Variants in CCSER1 observed in about 807,000 individuals in gnomAD.
CCSER1 encodes coiled-coil serine rich protein 1, also known as serine-rich coiled-coil domain-containing protein 1.
CCSER1 carries 41 observed loss-of-function variants against 82.0 expected under a neutral mutation model. The observed-to-expected ratio is 0.50, with a 90% CI of 0.39 to 0.65. CCSER1 has a LOEUF of 0.65. CCSER1 is among the 30% of genes least tolerant of loss of function. CCSER1 has a pLI of 0.00. For missense variants in CCSER1, 1,119 were observed against 1,064.2 expected, an observed-to-expected ratio of 1.05 and a Z score of -0.72; for synonymous variants, 414 against 383.9, an observed-to-expected ratio of 1.08 and a Z score of -0.92.
At chr4:90,772,937 A>G (rs1182939264) in intron 7 of CCSER1, among the ~76,000 whole-genome samples, 1 of 152,192 alleles carries the variant, frequency 6.6e-6, no homozygotes, top group Non-Finnish European at 1.5e-5. Context: ...AGTAAAGAGC[A>G]ATGTTTAAAA....
chr4:90,690,235 A>G (rs1197961440), intron 6 of CCSER1, among the ~76,000 whole-genome samples: 2 of 152,114 alleles, frequency 1.3e-5, no homozygotes, highest in African/African-American at 4.8e-5. Flanking sequence ...AATACTCAGA[A>G]AGGGGGTTGG....
intron 5 of CCSER1, among the ~76,000 whole-genome samples, chr4:90,619,732 G>C (rs1460894413): frequency 6.6e-6 from 1 of 152,044 alleles, no homozygotes; most frequent in East Asian, 1.9e-4. Context: ...ATATGTATGT[G>C]TGTGTAAACA....
intron 10 of CCSER1, among the ~76,000 whole-genome samples, chr4:91,411,737 A>C (rs1753064111): frequency 1.3e-5 from 1 of 75,960 alleles, no homozygotes. Context: ...CTGATATTGG[A>C]GCTAGTGGCA....
chr4:90,205,825 C>G (rs933244457), intron 1 of CCSER1, among the ~76,000 whole-genome samples: 3 of 152,068 alleles, frequency 2.0e-5, no homozygotes, highest in Non-Finnish European at 2.9e-5. Flanking sequence ...TCCATCTGGT[C>G]CTGGGCTTTT....
chr4:91,486,365 T>C (rs1758219801), intron 10 of CCSER1, among the ~76,000 whole-genome samples: 1 of 152,024 alleles, frequency 6.6e-6, no homozygotes, highest in Non-Finnish European at 1.5e-5. Flanking sequence ...AATAATGCCT[T>C]TGTGGCAGAT....
intron 10 of CCSER1, among the ~76,000 whole-genome samples, chr4:91,168,399 G>A (rs181110774): frequency 0.037 from 5,263 of 141,474 alleles, 341 homozygotes; most frequent in African/African-American, 0.13. Flanking sequence ...CCTCTGCCTG[G>A]CCGCCCCGTC....
intron 4 of CCSER1, among the ~76,000 whole-genome samples, chr4:90,404,875 C>G (rs904802754): frequency 1.3e-5 from 2 of 152,156 alleles, no homozygotes; most frequent in African/African-American, 4.8e-5. Context: ...GTCCATGAGT[C>G]TCAGATCTTC....
At chr4:91,313,709 A>T (rs1336100419) in intron 10 of CCSER1, among the ~76,000 whole-genome samples, 1 of 151,806 alleles carries the variant, frequency 6.6e-6, no homozygotes. Context: ...GTCCGAGTTC[A>T]CCATATGAGG....
chr4:91,427,781 G>A (rs892682751), intron 10 of CCSER1, among the ~76,000 whole-genome samples: 24 of 152,032 alleles, frequency 1.6e-4, no homozygotes, highest in African/African-American at 5.8e-4. Flanking sequence ...GTTTGTCATG[G>A]AGTTTATTAC....
chr4:90,319,165 G>T (rs527279822), intron 3 of CCSER1, among the ~76,000 whole-genome samples: 1 of 152,208 alleles, frequency 6.6e-6, no homozygotes, highest in Admixed American at 6.5e-5. Flanking sequence ...GTGCTGAGCA[G>T]GTTTGCTGAA....
intron 10 of CCSER1, among the ~76,000 whole-genome samples, chr4:91,432,904 T>A (rs994537357): frequency 6.6e-6 from 1 of 152,170 alleles, no homozygotes; most frequent in Non-Finnish European, 1.5e-5. Context: ...ACTCTGATAG[T>A]GTGAAAGTAA....
At chr4:90,342,559 A>AT (rs1227637205) in intron 3 of CCSER1, among the ~76,000 whole-genome samples, 1 of 152,056 alleles carries the variant, frequency 6.6e-6, no homozygotes, top group Non-Finnish European at 1.5e-5. Flanking sequence ...ATTCAGCATT[A>AT]TTTTTTTCAT....
At position 90,781,920 on chromosome 4, in the gene CCSER1, T is replaced by G. The variant is rs181305329; in HGVS notation, c.2011-33842T>G. On this transcript the variant is annotated intron_variant, in intron 7 of 10. Transcript: ENST00000509176. Reference sequence around the variant, plus strand: ...CCTTACAAAAAAAGATAAAATCGTATTGAAGAGACTGTTGAATATGAACGC... The same window carrying G: ...CCTTACAAAAAAAGATAAAATCGTAGTGAAGAGACTGTTGAATATGAACGC... 1.3e-3 allele frequency: 1,191 copies of G among 928,762 alleles called. 8 individuals are homozygous for G. In the African/African-American group the frequency reaches 0.02, roughly 16 times the overall value. The allele number at this position is 928,762 out of a possible 1,614,324, so 57.5% of individuals were successfully genotyped here.
chr4:91,093,414 G>A (rs992295982), intron 10 of CCSER1, among the ~76,000 whole-genome samples: 20 of 152,218 alleles, frequency 1.3e-4, no homozygotes, highest in African/African-American at 3.6e-4. Flanking sequence ...ATGGTTATGC[G>A]GGGGTTTTCA....
At chr4:90,994,269 A>G (rs13133635) in intron 9 of CCSER1, among the ~76,000 whole-genome samples, 45,002 of 152,018 alleles carry the variant, frequency 0.3, 7,540 homozygotes, top group African/African-American at 0.44. Flanking sequence ...ACCAAACATC[A>G]TAGCTTAATC....
intron 6 of CCSER1, among the ~76,000 whole-genome samples, chr4:90,694,377 C>T (rs1220705712): frequency 6.6e-6 from 1 of 151,878 alleles, no homozygotes; most frequent in African/African-American, 2.4e-5. Context: ...TTTAATGAGT[C>T]CTCATATTCA....
chr4:91,173,569 G>C (rs1287005183), intron 10 of CCSER1, among the ~76,000 whole-genome samples: 1 of 144,360 alleles, frequency 6.9e-6, no homozygotes, highest in African/African-American at 2.6e-5. Context: ...ACTCCAGCCT[G>C]GGCGACAGAG....
At chr4:90,958,823 T>TCAGAA (rs1733777104) in intron 9 of CCSER1, among the ~76,000 whole-genome samples, 1 of 152,170 alleles carries the variant, frequency 6.6e-6, no homozygotes, top group South Asian at 2.1e-4. Flanking sequence ...ATACTTGTTG[T>TCAGAA]TTAAGCCACC....
intron 9 of CCSER1, among the ~76,000 whole-genome samples, chr4:90,960,122 C>T (rs1001276842): frequency 6.6e-6 from 1 of 152,014 alleles, no homozygotes; most frequent in Non-Finnish European, 1.5e-5. Context: ...GGAAAGATAC[C>T]TGAAATCGTC....
Sources: gnomAD v4.1 joint callset for allele counts (sites outside exome capture counted in the v4.1 genomes callset) on GRCh38, gnomAD v4.1.1 for gene constraint, MANE v1.5 for transcripts, NCBI Gene and HGNC (gene_info 2026-07-23, HGNC 2026-07-21) for gene names.